Variants in CPQ observed in about 807,000 individuals in gnomAD.
CPQ encodes the protein Ser-Met dipeptidase.
In CPQ, 37 loss-of-function variants were observed where a neutral mutation model predicts 45.7. That is an observed-to-expected ratio of 0.81 (90% confidence interval 0.62 to 1.07). The LOEUF is 1.07. CPQ is among the 50% of genes least tolerant of loss of function. CPQ has a pLI of 0.00. For missense variants in CPQ, 537 were observed against 572.9 expected (o/e 0.94, Z 0.64); for synonymous variants, 186 against 205.8 (o/e 0.90, Z 0.82).
chr8:97,023,843 G>A (rs1809751045), intron 5 of CPQ, among the ~76,000 whole-genome samples: 1 of 152,148 alleles, frequency 6.6e-6, no homozygotes, highest in Non-Finnish European at 1.5e-5. Flanking sequence ...ACTTTACTCA[G>A]GCCAAATGGG....
At chr8:96,723,573 C>T (rs985043478) in intron 1 of CPQ, among the ~76,000 whole-genome samples, 1 of 152,084 alleles carries the variant, frequency 6.6e-6, no homozygotes, top group Non-Finnish European at 1.5e-5. Context: ...CTTTTATTAC[C>T]CCCATCTCTC....
At chr8:96,681,562 T>C (rs2464483) in intron 1 of CPQ, among the ~76,000 whole-genome samples, 108,008 of 152,184 alleles carry the variant, frequency 0.71, 38,756 homozygotes, top group Middle Eastern at 0.82. Context: ...GAGGCTGTCA[T>C]AGAGAACTTC....
intron 7 of CPQ, chr8:97,092,556 T>TA (rs1201625272): frequency 6.6e-6 from 1 of 151,880 alleles, no homozygotes; most frequent in East Asian, 1.9e-4. Context: ...AAGCCAACAG[T>TA]AAAAAACAAT....
chr8:97,012,685 C>T (rs1351098908), intron 5 of CPQ, among the ~76,000 whole-genome samples: 1 of 152,116 alleles, frequency 6.6e-6, no homozygotes, highest in African/African-American at 2.4e-5. Flanking sequence ...CCTAGAAATA[C>T]TTTTAAGAAT....
At chr8:97,118,788 A>G (rs991143576) in intron 7 of CPQ, among the ~76,000 whole-genome samples, 1 of 152,162 alleles carries the variant, frequency 6.6e-6, no homozygotes, top group African/African-American at 2.4e-5. Flanking sequence ...ATATATAGGT[A>G]CACACACATA....
At chr8:97,029,933 G>A (rs1030808056) in intron 6 of CPQ, among the ~76,000 whole-genome samples, 12 of 152,192 alleles carry the variant, frequency 7.9e-5, no homozygotes, top group South Asian at 2.1e-4. Flanking sequence ...TGCCATGATG[G>A]TGGTGGAAAT....
chr8:96,722,128 A>C (rs1370565854), intron 1 of CPQ, among the ~76,000 whole-genome samples: 1 of 152,188 alleles, frequency 6.6e-6, no homozygotes, highest in African/African-American at 2.4e-5. Context: ...TGCTATATCC[A>C]TAGTGCTTAG....
chr8:96,745,935 T>C (rs1271584298), intron 1 of CPQ, among the ~76,000 whole-genome samples: 1 of 152,192 alleles, frequency 6.6e-6, no homozygotes, highest in Admixed American at 6.5e-5. Flanking sequence ...GATTAGATGG[T>C]CATTAATTAT....
At position 96,760,385 on chromosome 8, in the gene CPQ, A is replaced by G. The variant is rs150561399; in HGVS notation, c.-34-24479A>G. 8.5e-5 allele frequency among the ~76,000 whole-genome samples: 13 copies of G among 152,278 alleles called. No homozygotes were observed. The East Asian group carries it at 2.5e-3, about 29-fold the overall frequency. Reference sequence around the variant, plus strand: ...AAACACAGGTTCAGAGAGGTAAAGAAACGTATGCAAGATTGTAAGTGGAAG... The same window carrying G: ...AAACACAGGTTCAGAGAGGTAAAGAGACGTATGCAAGATTGTAAGTGGAAG... On this transcript the variant is annotated intron_variant, in intron 1 of 7. Coordinates refer to ENST00000220763, the MANE Select transcript of CPQ (RefSeq NM_016134.4).
chr8:96,960,811 CTTTTTTGGGTTTTTG>C (rs1018561752), intron 4 of CPQ, among the ~76,000 whole-genome samples: 8 of 151,830 alleles, frequency 5.3e-5, no homozygotes, highest in Non-Finnish European at 8.8e-5. Flanking sequence ...CTTCTTTTGT[CTTTTTTGGGTTTTTG>C]TTTTTTGTTG....
chr8:96,795,933 T>A (rs890769740), intron 2 of CPQ, among the ~76,000 whole-genome samples: 1 of 151,066 alleles, frequency 6.6e-6, no homozygotes, highest in African/African-American at 2.4e-5. Context: ...GCTGTTTTAT[T>A]TTTTAGTGGT....
At chr8:96,699,399 A>C (rs990708952) in intron 1 of CPQ, among the ~76,000 whole-genome samples, 7 of 152,172 alleles carry the variant, frequency 4.6e-5, no homozygotes, top group Non-Finnish European at 1.0e-4. Context: ...TTTAGAAAGC[A>C]TGAATAAGAC....
At chr8:96,864,954 G>A (rs1212666181) in intron 3 of CPQ, among the ~76,000 whole-genome samples, 1 of 152,008 alleles carries the variant, frequency 6.6e-6, no homozygotes, top group Non-Finnish European at 1.5e-5. Flanking sequence ...TTGAGCCAGA[G>A]TGTCTCCACT....
chr8:97,129,000 A>C (rs1420943307), intron 7 of CPQ, among the ~76,000 whole-genome samples: 3 of 152,184 alleles, frequency 2.0e-5, no homozygotes, highest in Non-Finnish European at 4.4e-5. Flanking sequence ...CTGACAACCT[A>C]CCCACCATAG....
intron 2 of CPQ, among the ~76,000 whole-genome samples, chr8:96,831,230 A>ATGTG (rs112839062): frequency 1.1e-3 from 159 of 149,808 alleles, no homozygotes; most frequent in African/African-American, 3.4e-3. Context: ...GGTTATGGGT[A>ATGTG]TGTGTGTGTG....
chr8:97,057,946 C>G (rs1423562156), intron 6 of CPQ, among the ~76,000 whole-genome samples: 1 of 152,098 alleles, frequency 6.6e-6, no homozygotes, highest in Non-Finnish European at 1.5e-5. Flanking sequence ...TATTTTGGTA[C>G]TTTTGTTTTT....
intron 1 of CPQ, among the ~76,000 whole-genome samples, chr8:96,674,313 G>C (rs1809045996): frequency 6.6e-6 from 1 of 152,030 alleles, no homozygotes; most frequent in Non-Finnish European, 1.5e-5. Context: ...CACTTTTGTG[G>C]GTTTATTGAG....
intron 1 of CPQ, among the ~76,000 whole-genome samples, chr8:96,766,832 C>T (rs140722010): frequency 7.9e-5 from 12 of 152,150 alleles, no homozygotes; most frequent in African/African-American, 2.9e-4. Flanking sequence ...ATTACTGATG[C>T]AGGGAAGCAA....
intron 3 of CPQ, among the ~76,000 whole-genome samples, chr8:96,837,993 C>T (rs1011305554): frequency 2.0e-5 from 3 of 152,144 alleles, no homozygotes; most frequent in Non-Finnish European, 4.4e-5. Context: ...ACCACGTTTC[C>T]TCAAAGTGTT....
Sources: allele counts gnomAD v4.1 joint callset (sites outside exome capture counted in the v4.1 genomes callset), GRCh38; gene constraint gnomAD v4.1.1; transcripts MANE v1.5; gene names NCBI Gene and HGNC (gene_info 2026-07-23, HGNC 2026-07-21).